MICU1: variants seen among roughly 807,000 people sequenced by gnomAD.
MICU1 encodes the protein mitochondrial calcium uptake 1.
In MICU1, 45 loss-of-function variants were observed where a neutral mutation model predicts 56.8. That is an observed-to-expected ratio of 0.79 (90% CI 0.62 to 1.02). The LOEUF (loss-of-function observed/expected upper bound fraction) is 1.02. Ranked by LOEUF, MICU1 falls within the 50% of genes least tolerant of loss-of-function variation. The pLI, the probability that MICU1 is intolerant of heterozygous loss-of-function variation, is 0.00. For synonymous variants in MICU1, 186 were observed against 195.1 expected, an observed-to-expected ratio of 0.95 and a Z score of 0.39; for missense variants, 504 against 587.1, an observed-to-expected ratio of 0.86 and a Z score of 1.46.
intron 4 of MICU1, among the ~76,000 whole-genome samples, chr10:72,538,176 T>C (rs927478137): frequency 2.0e-5 from 3 of 152,050 alleles, no homozygotes; most frequent in African/African-American, 7.2e-5. Context: ...ACTGAAACAT[T>C]TGAAAATATC....
chr10:72,421,123 C>T (rs923606576), intron 9 of MICU1, among the ~76,000 whole-genome samples: 1 of 150,318 alleles, frequency 6.7e-6, no homozygotes, highest in African/African-American at 2.4e-5. Flanking sequence ...CTCGGCCTCC[C>T]AAAGTGCTGG....
intron 4 of MICU1, among the ~76,000 whole-genome samples, chr10:72,548,140 C>T (rs1019640236): frequency 1.3e-5 from 2 of 152,202 alleles, no homozygotes; most frequent in African/African-American, 4.8e-5. Flanking sequence ...GCAACAGATA[C>T]ACAACATAGC....
chr10:72,547,576 G>A (rs1006153367), intron 4 of MICU1, among the ~76,000 whole-genome samples: 4 of 149,164 alleles, frequency 2.7e-5, no homozygotes, highest in African/African-American at 7.4e-5. Context: ...ATAAAGAAAC[G>A]TACAAAGAAG....
intron 2 of MICU1, among the ~76,000 whole-genome samples, chr10:72,565,942 C>T (rs1287849283): frequency 6.6e-6 from 1 of 151,472 alleles, no homozygotes; most frequent in Admixed American, 6.6e-5. Context: ...GTTTCCATAA[C>T]TAGTGAAAAA....
At chr10:72,484,692 C>T (rs1866408414) in intron 6 of MICU1, among the ~76,000 whole-genome samples, 1 of 152,148 alleles carries the variant, frequency 6.6e-6, no homozygotes, top group African/African-American at 2.4e-5. Flanking sequence ...GAGGTTGAGG[C>T]TGTGGTGAGC....
chr10:72,528,137 C>T (rs930084225), intron 5 of MICU1, among the ~76,000 whole-genome samples: 1 of 152,128 alleles, frequency 6.6e-6, no homozygotes, highest in Admixed American at 6.5e-5. Context: ...AGAAATTTCA[C>T]TTCAAACCAA....
At chr10:72,497,978 C>CT (rs1475897801) in intron 6 of MICU1, among the ~76,000 whole-genome samples, 2 of 152,206 alleles carry the variant, frequency 1.3e-5, no homozygotes, top group African/African-American at 4.8e-5. Context: ...TATCCACTGC[C>CT]TAAGTTTTCT....
chr10:72,414,352 T>C (rs1863916728), intron 9 of MICU1, among the ~76,000 whole-genome samples: 2 of 152,228 alleles, frequency 1.3e-5, no homozygotes, highest in Non-Finnish European at 2.9e-5. Context: ...AAATACTATT[T>C]ACTCTTCTGC....
Position 72,368,170 on chromosome 10 carries a change from A to C in MICU1, c.*25T>G. 6.3e-7 allele frequency: 1 copy of C among 1,598,288 alleles called. No individual in the cohort carries two copies. Among genetic ancestry groups the C allele is most frequent in the East Asian group, 2.2e-5 (1 of 44,508 alleles). On this transcript the variant is annotated 3_prime_UTR_variant, in exon 12 of 12. Coordinates refer to ENST00000361114, the MANE Select transcript of MICU1 (RefSeq NM_001195518.2). ...AGGGGGTCCAGGGTACTGGGGGTGGAGGGGTCCCCTCTTGCAGTGTGGGGT... is the reference window on the plus strand; with the variant it reads ...AGGGGGTCCAGGGTACTGGGGGTGGCGGGGTCCCCTCTTGCAGTGTGGGGT...
chr10:72,397,833 G>A (rs891277465), intron 10 of MICU1, among the ~76,000 whole-genome samples: 1 of 152,090 alleles, frequency 6.6e-6, no homozygotes, highest in Non-Finnish European at 1.5e-5. Flanking sequence ...CAATAATAAC[G>A]GGAGACTTTA....
intron 8 of MICU1, among the ~76,000 whole-genome samples, chr10:72,456,423 T>C (rs1035991577): frequency 2.0e-5 from 3 of 152,116 alleles, no homozygotes; most frequent in Non-Finnish European, 2.9e-5. Context: ...CAAGACAGTG[T>C]GGATTCCCTG....
At chr10:72,596,502 A>C (rs1341290425) in intron 1 of MICU1, among the ~76,000 whole-genome samples, 1 of 152,184 alleles carries the variant, frequency 6.6e-6, no homozygotes. Context: ...CTTCTGAACC[A>C]TACACTTAAA....
At chr10:72,455,491 G>T (rs1010674260) in intron 8 of MICU1, among the ~76,000 whole-genome samples, 28 of 151,478 alleles carry the variant, frequency 1.8e-4, no homozygotes, top group African/African-American at 6.8e-4. Flanking sequence ...TGTATCATGA[G>T]AACATAATCC....
intron 1 of MICU1, among the ~76,000 whole-genome samples, chr10:72,619,797 A>T (rs1029727942): frequency 6.6e-6 from 1 of 152,200 alleles, no homozygotes; most frequent in Non-Finnish European, 1.5e-5. Context: ...ACCAGTTGGG[A>T]GATGGCAGAA....
intron 1 of MICU1, among the ~76,000 whole-genome samples, chr10:72,611,382 C>T (rs1393829974): frequency 6.6e-6 from 1 of 151,712 alleles, no homozygotes; most frequent in Non-Finnish European, 1.5e-5. Context: ...GAGGCCGAGG[C>T]GGGCGGATCA....
At chr10:72,425,750 G>A (rs1248400901) in intron 8 of MICU1, among the ~76,000 whole-genome samples, 1 of 152,146 alleles carries the variant, frequency 6.6e-6, no homozygotes, top group Admixed American at 6.5e-5. Context: ...AACATGGCTG[G>A]AGGGAGCCAT....
At chr10:72,522,768 G>A (rs1867860812) in intron 5 of MICU1, among the ~76,000 whole-genome samples, 1 of 152,106 alleles carries the variant, frequency 6.6e-6, no homozygotes, top group East Asian at 1.9e-4. Context: ...AAGCAAGCAA[G>A]AAATGCCTCT....
chr10:72,411,350 C>CG (rs759445568), intron 9 of MICU1, among the ~76,000 whole-genome samples: 14 of 148,970 alleles, frequency 9.4e-5, no homozygotes, highest in Non-Finnish European at 1.6e-4. Context: ...TTTTTTGAGA[C>CG]GGAGTCTCGC....
At chr10:72,533,281 T>TTTGCACTATACTTATTTTTA in intron 5 of MICU1, 2 of 530,556 alleles carry the variant, frequency 3.8e-6, no homozygotes, top group Non-Finnish European at 5.7e-6. Flanking sequence ...TAAAAATAAG[T>TTTGCACTATACTTATTTTTA]ATAGTGCAAA....
Sources: gnomAD v4.1 joint callset for allele counts (sites outside exome capture counted in the v4.1 genomes callset) on GRCh38, gnomAD v4.1.1 for gene constraint, MANE v1.5 for transcripts, NCBI Gene and HGNC (gene_info 2026-07-23, HGNC 2026-07-21) for gene names.